ZPBP: variants seen among roughly 807,000 people sequenced by gnomAD.
ZPBP encodes zona pellucida binding protein, also known as zona pellucida-binding protein 1.
In ZPBP, 26 loss-of-function variants were observed where a neutral mutation model predicts 44.8. That is an observed-to-expected ratio of 0.58 (90% CI 0.43 to 0.81). The LOEUF (loss-of-function observed/expected upper bound fraction) is 0.81, where lower values mean the gene tolerates loss of function less well. Ranked by LOEUF, ZPBP falls within the 30% of genes least tolerant of loss-of-function variation. The pLI, the probability that ZPBP is intolerant of heterozygous loss-of-function variation, is 0.00. For synonymous variants in ZPBP, 174 were observed against 153.2 expected, an observed-to-expected ratio of 1.14 and a Z score of -1.00; for missense variants, 409 against 434.0, an observed-to-expected ratio of 0.94 and a Z score of 0.51.
intron 7 of ZPBP, among the ~76,000 whole-genome samples, chr7:49,957,083 T>A (rs1279813453): frequency 6.6e-6 from 1 of 152,172 alleles, no homozygotes; most frequent in Non-Finnish European, 1.5e-5. Flanking sequence ...GTTTGGCCCC[T>A]TTGTCTCTGT....
intron 7 of ZPBP, chr7:49,943,816 C>T (rs1794988538): frequency 8.4e-6 from 2 of 237,512 alleles, no homozygotes; most frequent in Non-Finnish European, 1.6e-5. Context: ...GAGAGCTCAT[C>T]CTATATTCCT....
Position 49,981,666 on chromosome 7 carries a change from T to TTATATAATTATATAA in ZPBP, c.961+1675_961+1676insTTATATAATTATATA, listed in dbSNP as rs1283125535. Among the ~76,000 whole-genome samples the TTATATAATTATATAA allele has an allele frequency of 7.0e-4, 43 of 61,694 alleles. 11 individuals carry two copies. Among genetic ancestry groups the TTATATAATTATATAA allele is most frequent in the African/African-American group, 3.1e-3 (34 of 11,046 alleles). The allele number at this position is 61,694 out of a possible 152,430, so 40.5% of individuals were successfully genotyped here. ...ATATAATATCTTGATATAAAATATA[T>TTATATAATTATATAA]ATTATATATTATATATAATAATATA... On this transcript the variant is annotated intron_variant, in intron 7 of 7. Coordinates refer to ENST00000046087, the MANE Select transcript of ZPBP (RefSeq NM_007009.3).
At chr7:49,999,680 C>A (rs1452159747) in intron 6 of ZPBP, among the ~76,000 whole-genome samples, 4 of 138,158 alleles carry the variant, frequency 2.9e-5, no homozygotes, top group African/African-American at 1.1e-4. Flanking sequence ...ATGGATGTTC[C>A]AGCTCAAACA....
intron 2 of ZPBP, among the ~76,000 whole-genome samples, chr7:49,875,966 G>A (rs1375749222): frequency 6.6e-6 from 1 of 152,142 alleles, no homozygotes; most frequent in Non-Finnish European, 1.5e-5. Context: ...GAAGAAATTG[G>A]TGTTGCATTG....
Position 50,031,287 on chromosome 7 carries a change from A to G in ZPBP, c.511T>C (p.Tyr171His), listed in dbSNP as rs893472669. 8 of 1,610,784 alleles carry G rather than the reference A, an allele frequency of 5.0e-6. No homozygotes were observed. The Admixed American group carries it at 1.3e-4, about 27-fold the overall frequency. Reference sequence around the variant, plus strand: ...GCATGATATCGAGCTGTGAACTGATAATAATAATGAGGCTCACGATAAGCT... The same window carrying G: ...GCATGATATCGAGCTGTGAACTGATGATAATAATGAGGCTCACGATAAGCT... Reference protein sequence around the residue: ...IYAYREPHYYYQFTARYHAAP... With the variant: ...IYAYREPHYYHQFTARYHAAP... Residue 171 changes from tyrosine to histidine, a missense_variant, in exon 5 of 8, where the codon TAT (tyrosine) becomes CAT (histidine). Physicochemically the swap from Tyr to His is moderately conservative, Grantham distance 83 (BLOSUM62 2). This residue lies in a region of ZPBP where 367 missense variants were observed against 363.1 expected (regional missense o/e 1.01). Coordinates refer to ENST00000046087, the MANE Select transcript of ZPBP (RefSeq NM_007009.3).
intron 7 of ZPBP, among the ~76,000 whole-genome samples, chr7:49,964,641 T>A (rs1020976641): frequency 6.6e-6 from 1 of 152,118 alleles, no homozygotes; most frequent in African/African-American, 2.4e-5. Context: ...TCTTTCCAAA[T>A]AATCCTCACT....
Position 49,992,231 on chromosome 7 carries a change from T to C in ZPBP, c.784-8712A>G, listed in dbSNP as rs115220124. ...TTATCAACCAGAATTATGAAGTAAA[T>C]GATGAAATGAAGAAACATCGAAGCC... On this transcript the variant is annotated intron_variant, in intron 6 of 7. Coordinates refer to ENST00000046087, the MANE Select transcript of ZPBP (RefSeq NM_007009.3). 7.5e-3 allele frequency among the ~76,000 whole-genome samples: 1,148 copies of C among 152,126 alleles called. 22 individuals carry two copies. Among genetic ancestry groups the C allele is most frequent in the African/African-American group, 0.026 (1,088 of 41,524 alleles).
intron 4 of ZPBP, among the ~76,000 whole-genome samples, chr7:50,041,850 C>T (rs1415488286): frequency 6.6e-6 from 1 of 152,140 alleles, no homozygotes; most frequent in Non-Finnish European, 1.5e-5. Flanking sequence ...AAGTAAGCTT[C>T]AGAAGGTGGG....
At position 49,927,491 on chromosome 7, in the gene ZPBP, A is replaced by G. The variant is rs112656290; in HGVS notation, n.411+8260T>C. On this transcript the variant is annotated intron_variant and non_coding_transcript_variant, in intron 1 of 2. Transcript: ENST00000465922. ...TCTTAATCATGGAAGCAACAGCACC[A>G]TATATTAGAGTCATATTGGAAGGGA... Among the ~76,000 whole-genome samples, 1,313 of 152,326 alleles carry G rather than the reference A, an allele frequency of 8.6e-3. 3 individuals carry two copies. The highest frequency in any genetic ancestry group is 0.011 in the Non-Finnish European group (772 of 68,028).
At chr7:50,052,221 T>G (rs764739324) in intron 4 of ZPBP, among the ~76,000 whole-genome samples, 142 of 152,164 alleles carry the variant, frequency 9.3e-4, no homozygotes, top group Non-Finnish European at 1.7e-3. Flanking sequence ...TCTATCTGTA[T>G]ATGTGTATTA....
chr7:49,858,906 T>C (rs993027303), intron 2 of ZPBP, among the ~76,000 whole-genome samples: 3 of 152,220 alleles, frequency 2.0e-5, no homozygotes, highest in African/African-American at 7.2e-5. Flanking sequence ...CAGAGATTCA[T>C]CCACATTGAC....
At chr7:50,066,610 G>C (rs1427994901) in intron 3 of ZPBP, among the ~76,000 whole-genome samples, 5 of 152,184 alleles carry the variant, frequency 3.3e-5, no homozygotes, top group Non-Finnish European at 5.9e-5. Context: ...ATAGACATTT[G>C]CAGCATTTGC....
chr7:49,918,585 T>G (rs1252605506), intron 1 of ZPBP: 1 of 152,180 alleles, frequency 6.6e-6, no homozygotes, highest in African/African-American at 2.4e-5. Flanking sequence ...CATATTGAAA[T>G]TTACAAAATA....
chr7:49,906,915 T>C (rs758763421), intron 1 of ZPBP, among the ~76,000 whole-genome samples: 1 of 152,192 alleles, frequency 6.6e-6, no homozygotes, highest in Non-Finnish European at 1.5e-5. Flanking sequence ...ATCTCTTTCT[T>C]GCCTGAAGCA....
In ZPBP at chr7:49,971,482, C is replaced by T. The variant is rs747010613; in HGVS notation, c.961+11860G>A. ...AAAGATAACAAAATACTATGAACAACTGTATGCCAACAAATTGGATAACTT... is the reference window on the plus strand; with the variant it reads ...AAAGATAACAAAATACTATGAACAATTGTATGCCAACAAATTGGATAACTT... On this transcript the variant is annotated intron_variant, in intron 7 of 7. Transcript: ENST00000046087. Among the ~76,000 whole-genome samples the T allele has an allele frequency of 2.0e-5, 3 of 152,104 alleles. No homozygotes were observed. The South Asian group carries it at 6.2e-4, about 31-fold the overall frequency.
chr7:49,962,042 A>G (rs1340345830), intron 7 of ZPBP, among the ~76,000 whole-genome samples: 1 of 152,042 alleles, frequency 6.6e-6, no homozygotes, highest in African/African-American at 2.4e-5. Flanking sequence ...CAAAATAAAC[A>G]TCCGTTGACA....
At chr7:50,046,350 G>A (rs1011964828) in intron 4 of ZPBP, among the ~76,000 whole-genome samples, 2 of 152,044 alleles carry the variant, frequency 1.3e-5, no homozygotes, top group African/African-American at 4.8e-5. Flanking sequence ...TATCATCAGA[G>A]TGAACAGGCA....
At position 50,054,488 on chromosome 7, in the gene ZPBP, A is replaced by C. The variant is rs550105338; in HGVS notation, c.487+3501T>G. Reference sequence around the variant, plus strand: ...TGTTCTAACTCACTAATAATTAAGCAGTGTATATTAAAGCAATGAGTCACC... The same window carrying C: ...TGTTCTAACTCACTAATAATTAAGCCGTGTATATTAAAGCAATGAGTCACC... On this transcript the variant is annotated intron_variant, in intron 4 of 7. Transcript: ENST00000046087. 3.3e-5 allele frequency among the ~76,000 whole-genome samples: 5 copies of C among 152,280 alleles called. No individual in the cohort carries two copies. The East Asian group carries it at 9.6e-4, about 29-fold the overall frequency.
At position 49,868,213 on chromosome 7, in the gene ZPBP, G is replaced by A. The variant is rs142807802; in HGVS notation, n.510-17699C>T. On this transcript the variant is annotated intron_variant and non_coding_transcript_variant, in intron 2 of 2. Coordinates refer to the ZPBP transcript ENST00000465922. ...ACAGTGACTGTATTTTGGTGTTTTT[G>A]TGTAACATTAATAGATGCTGTTTCC... is the stretch of plus-strand genomic sequence containing the variant. 1.5e-3 allele frequency among the ~76,000 whole-genome samples: 236 copies of A among 152,294 alleles called. 3 individuals are homozygous for A. Among genetic ancestry groups the A allele is most frequent in the African/African-American group, 5.4e-3 (226 of 41,560 alleles).
Sources: gnomAD v4.1 joint callset for allele counts (sites outside exome capture counted in the v4.1 genomes callset) on GRCh38, gnomAD v4.1.1 for gene constraint, gnomAD v4.1.1 regional missense constraint, MANE v1.5 for transcripts, NCBI Gene and HGNC (gene_info 2026-07-23, HGNC 2026-07-21) for gene names.